The following PTPA variants were observed in gnomAD, a reference collection of about 807,000 sequenced individuals.
PTPA encodes the protein serine/threonine-protein phosphatase 2A activator.
A neutral mutation model predicts 43.6 loss-of-function variants in PTPA; 13 were observed. The observed-to-expected ratio is 0.30, with a 90% CI of 0.19 to 0.47. The LOEUF (loss-of-function observed/expected upper bound fraction) is 0.47, where lower values mean the gene tolerates loss of function less well. Among genes scored for constraint, PTPA ranks in the 20% least tolerant of loss-of-function variants. PTPA has a pLI of 0.99. For missense variants in PTPA, 329 were observed against 411.9 expected, an observed-to-expected ratio of 0.80 and a Z score of 1.74; for synonymous variants, 172 against 158.2, an observed-to-expected ratio of 1.09 and a Z score of -0.66.
intron 8 of PTPA, chr9:129,137,955 A>G (rs1301234063): frequency 2.1e-6 from 1 of 475,942 alleles, no homozygotes; most frequent in East Asian, 4.2e-5. Flanking sequence ...CTTGGTCACT[A>G]ACTGGCCTTG....
intron 9 of PTPA, chr9:129,142,827 G>A: frequency 3.3e-6 from 5 of 1,533,284 alleles, no homozygotes; most frequent in Non-Finnish European, 4.4e-6. Flanking sequence ...TGCTGCATGG[G>A]GAGTGGGGGC....
chr9:129,129,835 G>A (rs535062429), intron 4 of PTPA, among the ~76,000 whole-genome samples: 1 of 152,300 alleles, frequency 6.6e-6, no homozygotes, highest in Admixed American at 6.5e-5. Flanking sequence ...ATTCGGGGAG[G>A]TTAAGGCGGG....
At chr9:129,111,874 G>C in intron 1 of PTPA, 1 of 1,053,142 alleles carries the variant, frequency 9.5e-7, no homozygotes, top group Non-Finnish European at 1.2e-6. Flanking sequence ...TTTTGTGGGA[G>C]TCCAGGCTGC....
chr9:129,111,657 C>A, intron 1 of PTPA, 26 bp downstream of exon 1: 1 of 1,277,294 alleles, frequency 7.8e-7, no homozygotes, highest in Non-Finnish European at 1.0e-6. Context: ...CCAGGCCGGG[C>A]CGGGGTCGGG....
At chr9:129,146,574 C>G (rs1268783088) in intron 9 of PTPA, among the ~76,000 whole-genome samples, 1 of 152,248 alleles carries the variant, frequency 6.6e-6, no homozygotes, top group Non-Finnish European at 1.5e-5. Context: ...GGAGGAGGCC[C>G]TGGTCAGTCT....
intron 2 of PTPA, 79 bp from the exon 3 acceptor site, chr9:129,122,973 C>A: frequency 8.9e-7 from 1 of 1,119,936 alleles, no homozygotes; most frequent in Non-Finnish European, 1.3e-6. Flanking sequence ...TCTTTGGTAA[C>A]CTGGTGGAGC....
intron 9 of PTPA, among the ~76,000 whole-genome samples, 180 bp from the exon 10 acceptor site, chr9:129,147,207 T>A (rs1263193491): frequency 6.6e-6 from 1 of 152,174 alleles, no homozygotes; most frequent in Non-Finnish European, 1.5e-5. Context: ...GGTCTCGTTG[T>A]GGAGTGGGTG....
chr9:129,134,954 C>A, intron 6 of PTPA, 60 bp downstream of exon 6: 2 of 1,428,404 alleles, frequency 1.4e-6, no homozygotes, highest in Non-Finnish European at 2.0e-6. Context: ...GTTTCCTCCT[C>A]AAACTGGGAA....
At chr9:129,138,050 G>C (rs1283487097) in intron 8 of PTPA, 2 of 348,992 alleles carry the variant, frequency 5.7e-6, no homozygotes, top group Non-Finnish European at 1.1e-5. Context: ...GGCCCCACAA[G>C]GGTCTGTAGA....
chr9:129,124,417 C>T (rs1312343892), intron 3 of PTPA, among the ~76,000 whole-genome samples: 1 of 152,228 alleles, frequency 6.6e-6, no homozygotes, highest in Non-Finnish European at 1.5e-5. Flanking sequence ...CATATCATTG[C>T]ATCCCCGCAC....
intron 3 of PTPA, among the ~76,000 whole-genome samples, chr9:129,125,275 T>C (rs1430369042): frequency 6.6e-6 from 1 of 151,980 alleles, no homozygotes; most frequent in Non-Finnish European, 1.5e-5. Flanking sequence ...TTTTTTTTTT[T>C]TGAGTTTTTC....
chr9:129,142,327 TGC>T, intron 8 of PTPA, 116 bp from the exon 9 acceptor site: 28 of 882,346 alleles, frequency 3.2e-5, no homozygotes, highest in Non-Finnish European at 4.2e-5. Context: ...GTGCATTGTG[TGC>T]GTGTGCGTTT....
chr9:129,147,517 C>T lies in PTPA; in HGVS notation c.*53C>T. On this transcript the variant is annotated 3_prime_UTR_variant, in exon 10 of 10. Coordinates refer to ENST00000393370, the MANE Select transcript of PTPA (RefSeq NM_178000.3). ...GCCACAGTTCCTGTGCCTGCCTTCC[C>T]CACCCCAGCAGTGGCCCCTCCCCAT... 6.4e-7 allele frequency: 1 copy of T among 1,560,816 alleles called. No homozygotes were observed. The highest frequency in any genetic ancestry group is 2.0e-4 in the Middle Eastern group (1 of 4,972).
chr9:129,124,907 C>T (rs1338296413), intron 3 of PTPA, among the ~76,000 whole-genome samples: 1 of 152,236 alleles, frequency 6.6e-6, no homozygotes, highest in Non-Finnish European at 1.5e-5. Flanking sequence ...ATTGCTGGGC[C>T]TGTCTGGCTA....
chr9:129,144,839 C>G (rs944609129), intron 9 of PTPA, among the ~76,000 whole-genome samples: 1 of 151,588 alleles, frequency 6.6e-6, no homozygotes, highest in African/African-American at 2.4e-5. Flanking sequence ...TCGAGACCAA[C>G]CTGGGCAACA....
chr9:129,122,811 C>A (rs983716203), intron 2 of PTPA, among the ~76,000 whole-genome samples: 1 of 152,206 alleles, frequency 6.6e-6, no homozygotes, highest in African/African-American at 2.4e-5. Context: ...ATAGTGAGTA[C>A]TTGGTTCACT....
chr9:129,140,208 A>C (rs1050328275), intron 8 of PTPA: 5 of 152,636 alleles, frequency 3.3e-5, no homozygotes, highest in African/African-American at 1.2e-4. Flanking sequence ...CCCTGGGGTC[A>C]CTGCGGGCTG....
At chr9:129,129,429 G>GTTT (rs1849802558) in intron 4 of PTPA, among the ~76,000 whole-genome samples, 1 of 151,656 alleles carries the variant, frequency 6.6e-6, no homozygotes, top group Admixed American at 6.6e-5. Context: ...ATATCATGGA[G>GTTT]TACTGTGCAG....
chr9:129,144,665 G>A (rs925663151), intron 9 of PTPA, among the ~76,000 whole-genome samples: 15 of 151,630 alleles, frequency 9.9e-5, no homozygotes, highest in Non-Finnish European at 2.1e-4. Context: ...CGTGAGTCCG[G>A]GCGGTGGAGC....
Sources: allele counts gnomAD v4.1 joint callset (sites outside exome capture counted in the v4.1 genomes callset), GRCh38; gene constraint gnomAD v4.1.1; transcripts MANE v1.5; gene names NCBI Gene and HGNC (gene_info 2026-07-23, HGNC 2026-07-21).